MGMT: variants seen among roughly 807,000 people sequenced by gnomAD.
The protein encoded by MGMT is O-6-methylguanine-DNA methyltransferase, also known as methylated-DNA--protein-cysteine methyltransferase.
A neutral mutation model predicts 15.9 loss-of-function variants in MGMT; 14 were observed. The observed-to-expected ratio is 0.88, with a 90% CI of 0.58 to 1.37. MGMT has a LOEUF of 1.37. MGMT is among the 40% of genes most tolerant of loss of function. The pLI, the probability that MGMT is intolerant of heterozygous loss-of-function variation, is 0.00. For synonymous variants in MGMT, 130 were observed against 118.2 expected, an observed-to-expected ratio of 1.10 and a Z score of -0.65; for missense variants, 282 against 268.1, an observed-to-expected ratio of 1.05 and a Z score of -0.36.
chr10:129,500,211 C>T (rs1286724776), intron 1 of MGMT, among the ~76,000 whole-genome samples: 3 of 152,230 alleles, frequency 2.0e-5, no homozygotes, highest in Non-Finnish European at 4.4e-5. Context: ...TTCAGAAAGT[C>T]CTCATTGGCG....
intron 2 of MGMT, among the ~76,000 whole-genome samples, chr10:129,574,112 T>C (rs1846451022): frequency 6.6e-6 from 1 of 152,254 alleles, no homozygotes; most frequent in African/African-American, 2.4e-5. Context: ...GATGATACTG[T>C]TATTTATGCG....
intron 2 of MGMT, among the ~76,000 whole-genome samples, chr10:129,655,010 G>A (rs1847508067): frequency 6.6e-6 from 1 of 152,192 alleles, no homozygotes; most frequent in Non-Finnish European, 1.5e-5. Context: ...AGCAGCAGTG[G>A]GAGGAAACCA....
chr10:129,565,654 T>A (rs973394485), intron 2 of MGMT, among the ~76,000 whole-genome samples: 2 of 152,132 alleles, frequency 1.3e-5, no homozygotes, highest in African/African-American at 2.4e-5. Flanking sequence ...CGCGTGAAAG[T>A]CTGATTGGAA....
intron 3 of MGMT, among the ~76,000 whole-genome samples, chr10:129,752,504 A>G (rs575177513): frequency 6.6e-6 from 1 of 151,828 alleles, no homozygotes; most frequent in South Asian, 2.1e-4. Flanking sequence ...ATTTAGGTCT[A>G]ACATTTTATT....
At chr10:129,650,331 A>G (rs1466755025) in intron 2 of MGMT, among the ~76,000 whole-genome samples, 1 of 152,188 alleles carries the variant, frequency 6.6e-6, no homozygotes, top group Non-Finnish European at 1.5e-5. Flanking sequence ...AAGCAATGCC[A>G]GTCCTCTAAT....
chr10:129,640,799 A>G (rs934233462), intron 2 of MGMT, among the ~76,000 whole-genome samples: 7 of 152,212 alleles, frequency 4.6e-5, no homozygotes, highest in African/African-American at 1.7e-4. Flanking sequence ...TGAATGTAAG[A>G]CTGTTCAGTA....
intron 2 of MGMT, among the ~76,000 whole-genome samples, chr10:129,675,145 A>T (rs1847770001): frequency 1.3e-5 from 2 of 152,212 alleles, no homozygotes. Context: ...AAGCAGCAGG[A>T]CAGAGGACCC....
At chr10:129,683,378 T>C (rs1266963176) in intron 2 of MGMT, among the ~76,000 whole-genome samples, 2 of 152,080 alleles carry the variant, frequency 1.3e-5, no homozygotes. Flanking sequence ...CTTGATACTG[T>C]TCATTTGATG....
At chr10:129,760,553 G>A (rs1295065125) in intron 4 of MGMT, among the ~76,000 whole-genome samples, 1 of 152,294 alleles carries the variant, frequency 6.6e-6, no homozygotes, top group Admixed American at 6.5e-5. Flanking sequence ...TGCTCACAGG[G>A]GAGAGGCCGG....
intron 2 of MGMT, among the ~76,000 whole-genome samples, chr10:129,696,185 G>C (rs1848030056): frequency 6.6e-6 from 1 of 152,180 alleles, no homozygotes; most frequent in Non-Finnish European, 1.5e-5. Flanking sequence ...CAGCATAGAT[G>C]CCTTAGTGTA....
rs373641840 is a variant in MGMT, at chr10:129,752,308, A to G, written c.275-6894A>G. 6.0e-5 allele frequency among the ~76,000 whole-genome samples: 9 copies of G among 151,076 alleles called. No individual in the cohort carries two copies. The East Asian group carries it at 1.2e-3, about 20-fold the overall frequency. The stretch of plus-strand genomic sequence containing the variant: ...TTGTCTTTTATTAATTTTTTTTTAC[A>G]TTTGTGTTTGCATGGTATATCTTTT... On this transcript the variant is annotated intron_variant, in intron 3 of 4. Transcript: ENST00000651593.
At chr10:129,564,679 TTCC>T (rs536056908) in intron 2 of MGMT, among the ~76,000 whole-genome samples, 127 of 110,578 alleles carry the variant, frequency 1.1e-3, no homozygotes, top group African/African-American at 4.3e-3. Flanking sequence ...CCTCCTCTCC[TTCC>T]TCCTCCTCCT....
chr10:129,704,385 G>C (rs1441430914), intron 2 of MGMT, among the ~76,000 whole-genome samples: 1 of 152,084 alleles, frequency 6.6e-6, no homozygotes, highest in East Asian at 1.9e-4. Flanking sequence ...ACCGACAAGG[G>C]TTTCCAGGCA....
At chr10:129,645,486 G>A (rs1490612988) in intron 2 of MGMT, among the ~76,000 whole-genome samples, 1 of 152,142 alleles carries the variant, frequency 6.6e-6, no homozygotes, top group Non-Finnish European at 1.5e-5. Context: ...GGTTGTGTTT[G>A]GCCTCTCTTT....
intron 2 of MGMT, among the ~76,000 whole-genome samples, chr10:129,580,725 C>A (rs1218138608): frequency 6.6e-6 from 1 of 152,244 alleles, no homozygotes; most frequent in Non-Finnish European, 1.5e-5. Flanking sequence ...ACAGACACCC[C>A]ATGATTGGGG....
At chr10:129,535,854 C>T (rs1009586738) in intron 1 of MGMT, among the ~76,000 whole-genome samples, 5 of 152,112 alleles carry the variant, frequency 3.3e-5, no homozygotes, top group African/African-American at 1.2e-4. Flanking sequence ...AGTTTGTCTT[C>T]GGGATTTATT....
At chr10:129,752,486 A>G (rs1589976234) in intron 3 of MGMT, among the ~76,000 whole-genome samples, 1 of 151,878 alleles carries the variant, frequency 6.6e-6, no homozygotes, top group South Asian at 2.1e-4. Context: ...GTAATTATTA[A>G]TGTTTCAATT....
intron 2 of MGMT, among the ~76,000 whole-genome samples, chr10:129,707,139 T>C (rs57758055): frequency 0.064 from 9,693 of 151,846 alleles, 896 homozygotes; most frequent in African/African-American, 0.2. Flanking sequence ...TAGCTGGCCG[T>C]GGTGGCAGTC....
intron 4 of MGMT, among the ~76,000 whole-genome samples, chr10:129,764,307 G>A (rs1035532023): frequency 1.3e-5 from 2 of 152,218 alleles, no homozygotes; most frequent in African/African-American, 4.8e-5. Flanking sequence ...CGCTCCCAGG[G>A]GCTTTAAGCA....
Sources: gnomAD v4.1 joint callset for allele counts (sites outside exome capture counted in the v4.1 genomes callset) on GRCh38, gnomAD v4.1.1 for gene constraint, MANE v1.5 for transcripts, NCBI Gene and HGNC (gene_info 2026-07-23, HGNC 2026-07-21) for gene names.